Variants in ARFGEF3 observed in about 807,000 individuals in gnomAD.
The protein encoded by ARFGEF3 is brefeldin A-inhibited guanine nucleotide-exchange protein 3.
Under a neutral mutation model 221.7 loss-of-function variants are expected in ARFGEF3, and 96 were observed. The observed-to-expected ratio is 0.43, with a 90% confidence interval of 0.37 to 0.51. ARFGEF3 has a LOEUF of 0.51. Among genes scored for constraint, ARFGEF3 ranks in the 20% least tolerant of loss-of-function variants. The probability of loss-of-function intolerance (pLI) is 0.00; values close to 1 mark genes in which losing one functional copy is unlikely to be tolerated. For synonymous variants in ARFGEF3, 1,145 were observed against 1,126.8 expected, an observed-to-expected ratio of 1.02 and a Z score of -0.32; for missense variants, 2,410 against 2,789.9, an observed-to-expected ratio of 0.86 and a Z score of 3.07.
intron 33 of ARFGEF3, among the ~76,000 whole-genome samples, 161 bp downstream of exon 33, chr6:138,335,349 T>A (rs1281652458): frequency 1.3e-5 from 2 of 152,088 alleles, no homozygotes; most frequent in African/African-American, 4.8e-5. Context: ...TGAACCTAAG[T>A]GCAGGATCTC....
At chr6:138,262,675 C>A in intron 11 of ARFGEF3, 26 bp from the exon 12 acceptor site, 1 of 1,560,214 alleles carries the variant, frequency 6.4e-7, no homozygotes, top group Non-Finnish European at 8.7e-7. Flanking sequence ...GCATTTATTC[C>A]ATTTTCTCTT....
chr6:138,254,012 G>A (rs759558604), intron 9 of ARFGEF3, 28 bp downstream of exon 9: 18 of 1,468,962 alleles, frequency 1.2e-5, no homozygotes, highest in East Asian at 4.9e-5. Context: ...ACGCCCCGAC[G>A]CTGATGCCAA....
At chr6:138,276,719 G>A (rs1465680114) in intron 12 of ARFGEF3, among the ~76,000 whole-genome samples, 1 of 152,198 alleles carries the variant, frequency 6.6e-6, no homozygotes, top group Non-Finnish European at 1.5e-5. Context: ...AGGCTGGAAT[G>A]TAGTGGTGTG....
At chr6:138,277,998 C>A (rs1362206140) in intron 12 of ARFGEF3, among the ~76,000 whole-genome samples, 2 of 152,098 alleles carry the variant, frequency 1.3e-5, no homozygotes, top group Non-Finnish European at 2.9e-5. Context: ...AAAGGCCCTG[C>A]GGCAGGTCCA....
At chr6:138,275,961 A>G (rs955748089) in intron 12 of ARFGEF3, among the ~76,000 whole-genome samples, 19 of 152,358 alleles carry the variant, frequency 1.2e-4, no homozygotes, top group African/African-American at 4.6e-4. Flanking sequence ...CATGATTTGC[A>G]GAGTGTATGG....
intron 2 of ARFGEF3, among the ~76,000 whole-genome samples, chr6:138,186,791 A>G (rs1256238535): frequency 6.6e-6 from 1 of 152,112 alleles, no homozygotes; most frequent in East Asian, 1.9e-4. Flanking sequence ...TGTCTGAGCC[A>G]GGATAAAAGA....
intron 2 of ARFGEF3, among the ~76,000 whole-genome samples, chr6:138,183,484 C>T (rs1777120733): frequency 6.6e-6 from 1 of 152,058 alleles, no homozygotes; most frequent in African/African-American, 2.4e-5. Context: ...TACATGTTAA[C>T]GTCTGTATCG....
intron 5 of ARFGEF3, among the ~76,000 whole-genome samples, chr6:138,232,164 A>AT (rs1313268971): frequency 2.0e-5 from 3 of 152,228 alleles, no homozygotes; most frequent in Non-Finnish European, 4.4e-5. Context: ...AGTTACCTTC[A>AT]TATAGGAAAA....
chr6:138,174,591 A>G (rs984249937), intron 2 of ARFGEF3, among the ~76,000 whole-genome samples: 1 of 148,562 alleles, frequency 6.7e-6, no homozygotes, highest in African/African-American at 2.5e-5. Flanking sequence ...CATTTAATAT[A>G]TGGGAAAGAA....
At chr6:138,265,709 T>C (rs1346590818) in intron 12 of ARFGEF3, among the ~76,000 whole-genome samples, 1 of 152,172 alleles carries the variant, frequency 6.6e-6, no homozygotes, top group Non-Finnish European at 1.5e-5. Context: ...AGCCGAATTG[T>C]GCTATATGCT....
At chr6:138,223,097 A>G (rs1778010976) in intron 4 of ARFGEF3, among the ~76,000 whole-genome samples, 1 of 152,150 alleles carries the variant, frequency 6.6e-6, no homozygotes, top group South Asian at 2.1e-4. Flanking sequence ...TTGACATTTC[A>G]TGGTCGAGGT....
At chr6:138,281,978 A>G (rs962651835) in intron 14 of ARFGEF3, among the ~76,000 whole-genome samples, 1 of 151,946 alleles carries the variant, frequency 6.6e-6, no homozygotes, top group Non-Finnish European at 1.5e-5. Flanking sequence ...TGTTTTCTTA[A>G]GAGTCTAGCT....
At chr6:138,313,563 G>C (rs1050721236) in intron 25 of ARFGEF3, among the ~76,000 whole-genome samples, 2 of 152,256 alleles carry the variant, frequency 1.3e-5, no homozygotes, top group Admixed American at 6.5e-5. Context: ...TTATCCATAG[G>C]ATCCTTTTTC....
At chr6:138,308,542 G>A (rs1164779097) in intron 23 of ARFGEF3, among the ~76,000 whole-genome samples, 197 bp from the exon 24 acceptor site, 3 of 152,032 alleles carry the variant, frequency 2.0e-5, no homozygotes, top group African/African-American at 7.3e-5. Flanking sequence ...TCATCTCTCT[G>A]CCGAGCTGCT....
intron 2 of ARFGEF3, among the ~76,000 whole-genome samples, chr6:138,179,086 G>A (rs1216010711): frequency 1.3e-5 from 2 of 152,152 alleles, no homozygotes; most frequent in Admixed American, 1.3e-4. Flanking sequence ...CCTGGAAGAG[G>A]CATACTGCCT....
chr6:138,314,604 T>A lies in ARFGEF3; in HGVS notation c.4345+665T>A, dbSNP rs576669914. ...GCAAATTCCTCTCCAGCTGTGGGCC[T>A]GTGAAATTAACAAATTGCATGCTTC... On this transcript the variant is annotated intron_variant, in intron 26 of 33. Transcript: ENST00000251691. Among the ~76,000 whole-genome samples, 8 of 152,316 alleles carry A rather than the reference T, an allele frequency of 5.3e-5. No individual in the cohort carries two copies. The South Asian group carries it at 1.7e-3, about 32-fold the overall frequency.
At chr6:138,192,373 G>A (rs779177682) in intron 2 of ARFGEF3, among the ~76,000 whole-genome samples, 1 of 152,170 alleles carries the variant, frequency 6.6e-6, no homozygotes, top group Non-Finnish European at 1.5e-5. Flanking sequence ...TGTAATCCCA[G>A]CTACTTGGGA....
At chr6:138,324,873 G>A (rs1780101670) in intron 31 of ARFGEF3, among the ~76,000 whole-genome samples, 2 of 152,366 alleles carry the variant, frequency 1.3e-5, no homozygotes, top group South Asian at 4.1e-4. Context: ...TGACATGGCA[G>A]TCTGCCGCTA....
chr6:138,227,396 A>G (rs1007551557), intron 4 of ARFGEF3, among the ~76,000 whole-genome samples: 4 of 152,122 alleles, frequency 2.6e-5, no homozygotes, highest in African/African-American at 7.2e-5. Flanking sequence ...AGTTTCAAAC[A>G]CTTCTTCCTA....
Sources: gnomAD v4.1 joint callset for allele counts (sites outside exome capture counted in the v4.1 genomes callset) on GRCh38, gnomAD v4.1.1 for gene constraint, MANE v1.5 for transcripts, NCBI Gene and HGNC (gene_info 2026-07-23, HGNC 2026-07-21) for gene names.